DGCR8: variants seen among roughly 807,000 people sequenced by gnomAD.
DGCR8 encodes DGCR8 microprocessor complex subunit.
A neutral mutation model predicts 78.5 loss-of-function variants in DGCR8; 14 were observed. The ratio of observed to expected loss-of-function variants is 0.18; its 90% CI spans 0.12 to 0.28. DGCR8 has a LOEUF of 0.28. Ranked by LOEUF, DGCR8 falls within the 10% of genes least tolerant of loss-of-function variation. The pLI, the probability that DGCR8 is intolerant of heterozygous loss-of-function variation, is 1.00. For synonymous variants in DGCR8, 399 were observed against 402.4 expected (o/e 0.99, Z 0.10); for missense variants, 702 against 1,022.5 (o/e 0.69, Z 4.28).
At chr22:20,102,915 C>G (rs1178059084) in intron 9 of DGCR8, among the ~76,000 whole-genome samples, 2 of 152,036 alleles carry the variant, frequency 1.3e-5, no homozygotes, top group African/African-American at 4.8e-5. Context: ...GGTGGATTAC[C>G]TGAGGTTAGG....
Position 20,110,380 on chromosome 22 carries a change from G to A in DGCR8, c.*272G>A, listed in dbSNP as rs2049824395. ...CAGTGGCAGCTGGTGACTGTGGACA[G>A]TGGTGGACCCTGCTTCTGTGCACCT... On this transcript the variant is annotated 3_prime_UTR_variant, in exon 14 of 14. Coordinates refer to ENST00000351989, the MANE Select transcript of DGCR8 (RefSeq NM_022720.7). The A allele has an allele frequency of 2.2e-6, 1 of 458,316 alleles. No individual in the cohort carries two copies. The highest frequency in any genetic ancestry group is 3.9e-6 in the Non-Finnish European group (1 of 257,010). The allele number at this position is 458,316 out of a possible 1,614,324, so 28.4% of individuals were successfully genotyped here.
At position 20,086,672 on chromosome 22, in the gene DGCR8, T is replaced by A; in HGVS notation, c.709T>A (p.Phe237Ile). ...RDRVDEEALN[F>I]PYEDDFDNDV... ...CAGAGTGGATGAAGAGGCCTTGAAT[T>A]TCCCCTACGAGGTATGTTGGCAGCC... Residue 237 changes from phenylalanine (F) to isoleucine (I), a missense_variant, in exon 2 of 14, where the codon TTC (phenylalanine) becomes ATC (isoleucine). Transcript: ENST00000351989. This position sits in a 1 kb window ranked among gnomAD's most constrained non-coding sequence, Gnocchi z 6.4. The A allele has an allele frequency of 1.2e-6, 2 of 1,606,338 alleles. No homozygotes were observed. The highest frequency in any genetic ancestry group is 1.7e-6 in the Non-Finnish European group (2 of 1,179,118).
chr22:20,087,437 T>C lies in DGCR8; in HGVS notation c.880+116T>C. On this transcript the variant is annotated intron_variant, in intron 3 of 13. Coordinates refer to ENST00000351989, the MANE Select transcript of DGCR8 (RefSeq NM_022720.7). The surrounding 1 kb of genome is among the most constrained non-coding windows in gnomAD (Gnocchi z 4.1). ...CCAGGTAGTGGGCTGGGTGGAGGCA[T>C]GTTTGAGGACAGGACAGAAATATCT... is the stretch of plus-strand genomic sequence containing the variant. The C allele has an allele frequency of 8.2e-7, 1 of 1,215,562 alleles. No homozygotes were observed. The highest frequency in any genetic ancestry group is 1.6e-5 in the South Asian group (1 of 64,388). The allele number at this position is 1,215,562 out of a possible 1,614,324, so 75.3% of individuals were successfully genotyped here.
At chr22:20,094,630 G>A in intron 8 of DGCR8, 83 bp from the exon 9 acceptor site, 2 of 1,252,436 alleles carry the variant, frequency 1.6e-6, no homozygotes, top group Non-Finnish European at 1.2e-6. Context: ...GGGGATGGGA[G>A]GCAGCAGTGC....
intron 6 of DGCR8, 81 bp downstream of exon 6, chr22:20,091,713 A>C: frequency 6.4e-7 from 1 of 1,561,748 alleles, no homozygotes; most frequent in East Asian, 2.3e-5. Flanking sequence ...ATGTTTTATG[A>C]GTTGCATTTC....
intron 1 of DGCR8, among the ~76,000 whole-genome samples, chr22:20,081,562 G>A (rs184164373): frequency 6.6e-6 from 1 of 152,332 alleles, no homozygotes; most frequent in East Asian, 1.9e-4. Flanking sequence ...CGTGACCTTG[G>A]GGTAGGAAAT....
At chr22:20,107,603 G>A in intron 12 of DGCR8, 1 of 607,104 alleles carries the variant, frequency 1.6e-6, no homozygotes, top group South Asian at 1.9e-5. Context: ...GGCATGGTCA[G>A]TGAAGTGTGG....
chr22:20,086,764 A>G lies in DGCR8; in HGVS notation c.720+81A>G. On this transcript the variant is annotated intron_variant, in intron 2 of 13. Coordinates refer to ENST00000351989, the MANE Select transcript of DGCR8 (RefSeq NM_022720.7). The surrounding 1 kb of genome is among the most constrained non-coding windows in gnomAD (Gnocchi z 6.4). The stretch of plus-strand genomic sequence containing the variant: ...GGGAATTGCAGCATCTTTTGAAAGC[A>G]GGGAAATTAAAAAAAAAAAAAACAA... The G allele has an allele frequency of 7.1e-7, 1 of 1,399,198 alleles. No individual in the cohort carries two copies. The highest frequency in any genetic ancestry group is 9.5e-7 in the Non-Finnish European group (1 of 1,047,356). The allele number at this position is 1,399,198 out of a possible 1,614,324, so 86.7% of individuals were successfully genotyped here.
At chr22:20,101,088 A>G (rs539362726) in intron 9 of DGCR8, 4 of 630,422 alleles carry the variant, frequency 6.3e-6, no homozygotes, top group Admixed American at 1.3e-4. Context: ...CCACCTCCTC[A>G]GCATAAGCTC....
In DGCR8 at chr22:20,111,585, G is replaced by A. The variant is rs1473479508; in HGVS notation, c.*1477G>A. On this transcript the variant is annotated 3_prime_UTR_variant, in exon 14 of 14. Transcript: ENST00000351989. Reference sequence around the variant, plus strand: ...GACTGTTGCCCTTAGCCAGCCAGATGCGCCTGTGAACCAAAGCTTCGTGCA... The same window carrying A: ...GACTGTTGCCCTTAGCCAGCCAGATACGCCTGTGAACCAAAGCTTCGTGCA... 3 of 396,330 alleles carry A rather than the reference G, an allele frequency of 7.6e-6. No homozygotes were observed. Among genetic ancestry groups the A allele is most frequent in the Admixed American group, 4.4e-5 (1 of 22,650 alleles). The allele number at this position is 396,330 out of a possible 1,614,324, so 24.6% of individuals were successfully genotyped here. A position where few individuals can be genotyped will look rare whatever the true frequency, so the allele number is the denominator to read the frequency against.
In DGCR8 at chr22:20,110,347, G is replaced by C; in HGVS notation, c.*239G>C. 1 of 519,284 alleles carries C rather than the reference G, an allele frequency of 1.9e-6. No homozygotes were observed. The allele number at this position is 519,284 out of a possible 1,614,324, so 32.2% of individuals were successfully genotyped here. ...CCAGGCCTGAATGGATGGACTCAGC[G>C]ACTGCACCAGTGGCAGCTGGTGACT... On this transcript the variant is annotated 3_prime_UTR_variant, in exon 14 of 14. Transcript: ENST00000351989.
chr22:20,087,348 G>A lies in DGCR8; in HGVS notation c.880+27G>A. 1 of 1,580,642 alleles carries A rather than the reference G, an allele frequency of 6.3e-7. No individual in the cohort carries two copies. The highest frequency in any genetic ancestry group is 8.6e-7 in the Non-Finnish European group (1 of 1,157,742). ...TACGTGTGTGGGTCAGAAGCAGTGG[G>A]TGTTCCAGGGCAGTGGAGGGGTGGT... On this transcript the variant is annotated intron_variant, in intron 3 of 13. Coordinates refer to ENST00000351989, the MANE Select transcript of DGCR8 (RefSeq NM_022720.7). The surrounding 1 kb of genome is among the most constrained non-coding windows in gnomAD (Gnocchi z 4.1).
rs925395717 is a variant in DGCR8, at chr22:20,092,740, G to A, written c.1607-69G>A. ...CTGACTGCGCCTTGTCTGTCGGTGT[G>A]GGCAGACTGTGCACACGCTTTTGAT... On this transcript the variant is annotated intron_variant, in intron 7 of 13. Coordinates refer to ENST00000351989, the MANE Select transcript of DGCR8 (RefSeq NM_022720.7). 10 of 1,374,882 alleles carry A rather than the reference G, an allele frequency of 7.3e-6. No homozygotes were observed. The African/African-American group carries it at 1.3e-4, about 18-fold the overall frequency. The allele number at this position is 1,374,882 out of a possible 1,614,324, so 85.2% of individuals were successfully genotyped here.
intron 9 of DGCR8, chr22:20,100,503 C>T (rs2049685320): frequency 1.0e-6 from 1 of 985,408 alleles, no homozygotes; most frequent in Non-Finnish European, 1.2e-6. Context: ...ACGATGGTGC[C>T]TGAGTTGTGT....
At chr22:20,081,341 A>C (rs956332736) in intron 1 of DGCR8, among the ~76,000 whole-genome samples, 3 of 152,160 alleles carry the variant, frequency 2.0e-5, no homozygotes, top group Admixed American at 6.5e-5. Flanking sequence ...GTGCTGTCCA[A>C]GTGTACGGGT....
chr22:20,090,380 C>G, intron 5 of DGCR8, 122 bp downstream of exon 5: 1 of 1,179,840 alleles, frequency 8.5e-7, no homozygotes, highest in East Asian at 2.5e-5. Flanking sequence ...CTGTGCACCT[C>G]CACTGTTGGT....
rs777108967 is a variant in DGCR8, at chr22:20,092,788, AC to A, written c.1607-20del. On this transcript the variant is annotated intron_variant, in intron 7 of 13. Transcript: ENST00000351989. ...GATGTCTTGACTCGTATGTTTTAAA[AC>A]AAGTAATTTTAATTTTAAGAGAACC... 3.7e-6 allele frequency: 6 copies of A among 1,603,828 alleles called. No individual in the cohort carries two copies. The South Asian group carries it at 4.4e-5, about 12-fold the overall frequency.
intron 9 of DGCR8, among the ~76,000 whole-genome samples, chr22:20,098,622 G>A (rs2049659231): frequency 6.6e-6 from 1 of 152,172 alleles, no homozygotes; most frequent in South Asian, 2.1e-4. Flanking sequence ...CACAGACTGG[G>A]AGGCTTAAAT....
At position 20,106,281 on chromosome 22, in the gene DGCR8, G is replaced by C; in HGVS notation, c.1889+4G>C. The C allele has an allele frequency of 1.9e-6, 3 of 1,611,050 alleles. No homozygotes were observed. The highest frequency in any genetic ancestry group is 1.7e-5 in the Admixed American group (1 of 60,022). On this transcript the variant is annotated splice_donor_region_variant and intron_variant, in intron 10 of 13. Coordinates refer to ENST00000351989, the MANE Select transcript of DGCR8 (RefSeq NM_022720.7). Reference sequence around the variant, plus strand: ...TCCTCCACGAGTGCCTTAAAAGGTAGGGTAGGGGGGTGCCTCCCCCCATGA... The same window carrying C: ...TCCTCCACGAGTGCCTTAAAAGGTACGGTAGGGGGGTGCCTCCCCCCATGA...
Sources: gnomAD v4.1 joint callset for allele counts (sites outside exome capture counted in the v4.1 genomes callset) on GRCh38, gnomAD v4.1.1 for gene constraint, Gnocchi (gnomAD v3.1) non-coding constraint, MANE v1.5 for transcripts, NCBI Gene and HGNC (gene_info 2026-07-23, HGNC 2026-07-21) for gene names.